Variants in ANKH observed in about 807,000 individuals in gnomAD.
ANKH encodes mineralization regulator ANKH.
A neutral mutation model predicts 49.0 loss-of-function variants in ANKH; 15 were observed. The observed-to-expected ratio is 0.31, with a 90% CI of 0.20 to 0.47. The LOEUF is 0.47. Ranked by LOEUF, ANKH falls within the 20% of genes least tolerant of loss-of-function variation. The pLI, the probability that ANKH is intolerant of heterozygous loss-of-function variation, is 1.00. For synonymous variants in ANKH, 273 were observed against 260.0 expected, an observed-to-expected ratio of 1.05 and a Z score of -0.48; for missense variants, 429 against 652.0, an observed-to-expected ratio of 0.66 and a Z score of 3.72.
At chr5:14,746,040 C>T (rs373668952) in intron 6 of ANKH, 78 bp from the exon 7 acceptor site, 162 of 1,190,422 alleles carry the variant, frequency 1.4e-4, no homozygotes, top group South Asian at 1.1e-3. Flanking sequence ...TGACGAAGCA[C>T]GCCGACTCAG....
rs1214632638 is a variant in ANKH, at chr5:14,871,012, C to T, written c.96+340G>A. ...GCCATGGGTAAATAAAAACCCAGCA[C>T]TTAAGCTACTAGAAACTACATTTTA... On this transcript the variant is annotated intron_variant, in intron 1 of 11. Coordinates refer to ENST00000284268, the MANE Select transcript of ANKH (RefSeq NM_054027.6). The T allele has an allele frequency of 7.5e-6, 3 of 398,148 alleles. No individual in the cohort carries two copies. The Admixed American group carries it at 9.1e-5, about 12-fold the overall frequency. The allele number at this position is 398,148 out of a possible 1,614,324, so 24.7% of individuals were successfully genotyped here.
Position 14,769,034 on chromosome 5 carries a change from T to C in ANKH, c.254A>G (p.Lys85Arg), listed in dbSNP as rs1739340864. 3 of 1,614,116 alleles carry C rather than the reference T, an allele frequency of 1.9e-6. No individual in the cohort carries two copies. The highest frequency in any genetic ancestry group is 1.3e-5 in the African/African-American group (1 of 74,938). The change falls in exon 2 of 12, where the codon AAA (lysine) becomes AGA (arginine). Residue 85 changes from lysine to arginine, a missense_variant. By Grantham distance (26) the Lys-to-Arg change is conservative (BLOSUM62 2). Around this residue, in one of 2 missense-constraint regions of ANKH, gnomAD observed 378 missense variants for 615.3 expected, o/e 0.61. Coordinates refer to ENST00000284268, the MANE Select transcript of ANKH (RefSeq NM_054027.6). ...TGCCACCACCATACACAGGACGGCTTTGGTCCTGTCTCTCTTGCTGTTCAC... is the reference window on the plus strand; with the variant it reads ...TGCCACCACCATACACAGGACGGCTCTGGTCCTGTCTCTCTTGCTGTTCAC... ...VFVNSKRDRT[K>R]AVLCMVVAGA...
intron 1 of ANKH, 52 bp downstream of exon 1, chr5:14,871,300 G>T: frequency 2.0e-6 from 3 of 1,521,378 alleles, no homozygotes; most frequent in South Asian, 2.3e-5. Flanking sequence ...GTGTCCGGGC[G>T]TGTAAGGCCA....
At chr5:14,783,185 C>T (rs1422578724) in intron 1 of ANKH, among the ~76,000 whole-genome samples, 2 of 151,944 alleles carry the variant, frequency 1.3e-5, no homozygotes, top group Non-Finnish European at 1.5e-5. Flanking sequence ...TCTGCTCAGC[C>T]CATGACCAGT....
At chr5:14,716,859 G>A in intron 8 of ANKH, 24 bp from the exon 9 acceptor site, 3 of 1,612,794 alleles carry the variant, frequency 1.9e-6, no homozygotes, top group Non-Finnish European at 2.5e-6. Flanking sequence ...CATCAAACAG[G>A]GTTGTGAGGA....
At chr5:14,782,000 C>G (rs958284241) in intron 1 of ANKH, among the ~76,000 whole-genome samples, 4 of 152,058 alleles carry the variant, frequency 2.6e-5, no homozygotes, top group Non-Finnish European at 5.9e-5. Context: ...CCTACTATCT[C>G]CCTGCTTGGT....
At chr5:14,757,864 T>C (rs1738952573) in intron 3 of ANKH, among the ~76,000 whole-genome samples, 1 of 152,186 alleles carries the variant, frequency 6.6e-6, no homozygotes, top group South Asian at 2.1e-4. Flanking sequence ...CGAAGATCAG[T>C]CTGCTAATTC....
chr5:14,780,486 T>G (rs1484847020), intron 1 of ANKH, among the ~76,000 whole-genome samples: 1 of 152,148 alleles, frequency 6.6e-6, no homozygotes, highest in African/African-American at 2.4e-5. Flanking sequence ...GAGGTTGCAG[T>G]GAGCTGAGAT....
chr5:14,756,589 T>C (rs1738892421), intron 3 of ANKH, among the ~76,000 whole-genome samples: 1 of 152,254 alleles, frequency 6.6e-6, no homozygotes, highest in Non-Finnish European at 1.5e-5. Context: ...TGACACTTCA[T>C]CTGAGCTACG....
chr5:14,813,613 T>C (rs1740949298), intron 1 of ANKH, among the ~76,000 whole-genome samples: 1 of 152,160 alleles, frequency 6.6e-6, no homozygotes, highest in African/African-American at 2.4e-5. Flanking sequence ...TGACCTTCAA[T>C]GCCTGGATCC....
intron 2 of ANKH, among the ~76,000 whole-genome samples, chr5:14,758,860 C>T (rs1738985908): frequency 6.6e-6 from 1 of 152,304 alleles, no homozygotes; most frequent in South Asian, 2.1e-4. Flanking sequence ...ATTCCACATA[C>T]TCTTTTGTAA....
chr5:14,790,194 T>C (rs529527578), intron 1 of ANKH, among the ~76,000 whole-genome samples: 83 of 152,346 alleles, frequency 5.4e-4, no homozygotes, highest in African/African-American at 1.9e-3. Flanking sequence ...AACAAAAACC[T>C]TTCTCCATAA....
chr5:14,749,116 A>AC lies in ANKH; in HGVS notation c.822+55dup, dbSNP rs1738632455. On this transcript the variant is annotated intron_variant, in intron 6 of 11. Transcript: ENST00000284268. Reference sequence around the variant, plus strand: ...AGAAGAACTGGAAATCAGTTTCAGCACCCCCCTGCCCCACCAAGGTGATCA... The same window carrying AC: ...AGAAGAACTGGAAATCAGTTTCAGCACCCCCCCTGCCCCACCAAGGTGATCA... The AC allele has an allele frequency of 1.2e-5, 20 of 1,611,204 alleles. No individual in the cohort carries two copies. In the South Asian group the frequency reaches 2.0e-4, roughly 16 times the overall value.
At chr5:14,714,353 C>T (rs565295579) in intron 9 of ANKH, among the ~76,000 whole-genome samples, 3 of 152,322 alleles carry the variant, frequency 2.0e-5, no homozygotes, top group Non-Finnish European at 4.4e-5. Flanking sequence ...GTGGAGAGCA[C>T]GGGGCTTGCC....
intron 8 of ANKH, among the ~76,000 whole-genome samples, chr5:14,731,589 G>A (rs1738003970): frequency 6.6e-6 from 1 of 152,184 alleles, no homozygotes; most frequent in African/African-American, 2.4e-5. Flanking sequence ...AGGGAGAAAA[G>A]CATTCTGTTG....
rs1188258277 is a variant in ANKH at position 14,770,321 on chromosome 5, T to G, written c.97-1130A>C. Among the ~76,000 whole-genome samples the G allele has an allele frequency of 2.6e-5, 4 of 152,258 alleles. No individual in the cohort carries two copies. The East Asian group carries it at 7.7e-4, about 29-fold the overall frequency. ...ATCTACACGGACACATCATTATTAC[T>G]CAAAGACCAGACAGTAGTCCCCCCT... On this transcript the variant is annotated intron_variant, in intron 1 of 11. Coordinates refer to ENST00000284268, the MANE Select transcript of ANKH (RefSeq NM_054027.6). The surrounding 1 kb of genome is among the most constrained non-coding windows in gnomAD (Gnocchi z 4.1).
At chr5:14,783,330 A>ACACACACC (rs1304345867) in intron 1 of ANKH, among the ~76,000 whole-genome samples, 1 of 142,500 alleles carries the variant, frequency 7.0e-6, no homozygotes, top group Non-Finnish European at 1.5e-5. Context: ...ACACACACAC[A>ACACACACC]CCACACATGG....
At chr5:14,837,932 C>T (rs1741703177) in intron 1 of ANKH, among the ~76,000 whole-genome samples, 1 of 152,120 alleles carries the variant, frequency 6.6e-6, no homozygotes, top group Non-Finnish European at 1.5e-5. Flanking sequence ...ACTATGCAGC[C>T]ATAAAAAATG....
At chr5:14,743,168 GT>G (rs1284338396) in intron 7 of ANKH, among the ~76,000 whole-genome samples, 1 of 152,210 alleles carries the variant, frequency 6.6e-6, no homozygotes, top group Non-Finnish European at 1.5e-5. Context: ...AAACATATCT[GT>G]TTTCTAGACT....
Sources: allele counts gnomAD v4.1 joint callset (sites outside exome capture counted in the v4.1 genomes callset), GRCh38; gene constraint gnomAD v4.1.1; regional missense constraint gnomAD v4.1.1; non-coding constraint Gnocchi (gnomAD v3.1); transcripts MANE v1.5; gene names NCBI Gene and HGNC (gene_info 2026-07-23, HGNC 2026-07-21).